GJA3: variants seen among roughly 807,000 people sequenced by gnomAD.
GJA3 encodes the protein gap junction alpha-3 protein.
For missense variants in GJA3, 571 were observed against 620.3 expected, an observed-to-expected ratio of 0.92 and a Z score of 0.84; for synonymous variants, 297 against 292.6, an observed-to-expected ratio of 1.02 and a Z score of -0.15.
At chr13:20,154,903 T>A (rs1248570804) in intron 1 of GJA3, among the ~76,000 whole-genome samples, 4 of 152,198 alleles carry the variant, frequency 2.6e-5, no homozygotes, top group African/African-American at 9.7e-5. Flanking sequence ...CAGGATGGAA[T>A]ACAGTGGCAT....
Position 20,152,566 on chromosome 13 carries a change from G to C in GJA3, c.-18+8324C>G, listed in dbSNP as rs917660062. On this transcript the variant is annotated intron_variant, in intron 1 of 1. Transcript: ENST00000241125. ...CACCTGGCTAATTTTTGTATTTTTAGTAGAGACAGGGTTTTGGCTGTTGAC... is the reference window on the plus strand; with the variant it reads ...CACCTGGCTAATTTTTGTATTTTTACTAGAGACAGGGTTTTGGCTGTTGAC... 2.6e-5 allele frequency among the ~76,000 whole-genome samples: 4 copies of C among 152,094 alleles called. No individual in the cohort carries two copies. In the South Asian group the frequency reaches 8.3e-4, roughly 32 times the overall value.
chr13:20,154,847 G>A (rs1173625718), intron 1 of GJA3, among the ~76,000 whole-genome samples: 1 of 151,968 alleles, frequency 6.6e-6, no homozygotes, highest in Non-Finnish European at 1.5e-5. Flanking sequence ...TCTTTGTTAT[G>A]ATTTAATTAC....
chr13:20,150,966 C>A (rs1958873364), intron 1 of GJA3, among the ~76,000 whole-genome samples: 1 of 152,170 alleles, frequency 6.6e-6, no homozygotes, highest in Non-Finnish European at 1.5e-5. Flanking sequence ...ATGGGTAGTG[C>A]CATCGGCTTC....
In GJA3 at chr13:20,142,207, G is replaced by A. The variant is rs886050020; in HGVS notation, c.1082C>T (p.Pro361Leu). The change falls in exon 2 of 2, where the codon CCA (proline) becomes CTA (leucine). Residue 361 changes from proline to leucine, a missense_variant. Pro to Leu is a moderately conservative substitution (Grantham distance 98, BLOSUM62 -3). Transcript: ENST00000241125. ...GCCCGCCTCAGCCTCGTGCGCGAGT[G>A]GCGGGGAGCTGCTGCCGACGGGGCT... ...APSPVGSSSP[P>L]LAHEAEAGAA... The A allele has an allele frequency of 3.3e-6, 5 of 1,513,542 alleles. No homozygotes were observed. Among genetic ancestry groups the A allele is most frequent in the Non-Finnish European group, 4.4e-6 (5 of 1,133,730 alleles). 93.8% of individuals were successfully genotyped at this position (1,513,542 alleles called of 1,614,324 possible).
Position 20,146,079 on chromosome 13 carries a change from G to A in GJA3, c.-17-2774C>T, listed in dbSNP as rs549089898. On this transcript the variant is annotated intron_variant, in intron 1 of 1. Transcript: ENST00000241125. ...GGTAATGTGCTTTCCAGAGGCTTCC[G>A]AGGAAAGGCCGCTGTGGGTAGTTCA... Among the ~76,000 whole-genome samples the A allele has an allele frequency of 1.1e-4, 16 of 152,344 alleles. No individual in the cohort carries two copies. In the East Asian group the frequency reaches 1.5e-3, roughly 15 times the overall value.
chr13:20,150,372 GGTGTGT>G lies in GJA3; in HGVS notation c.-17-7073_-17-7068del, dbSNP rs71816956. Reference sequence around the variant, plus strand: ...AGGGAGGCAGGAGACCACTGCTCCTGGTGTGTGTGTGTGTGTGTGTGTGTGTGTGAA... The same window carrying G: ...AGGGAGGCAGGAGACCACTGCTCCTGGTGTGTGTGTGTGTGTGTGTGTGAA... On this transcript the variant is annotated intron_variant, in intron 1 of 1. Transcript: ENST00000241125. Among the ~76,000 whole-genome samples, 1,391 of 148,092 alleles carry G rather than the reference GGTGTGT, an allele frequency of 9.4e-3. 73 individuals carry two copies. Among genetic ancestry groups the G allele is most frequent in the Admixed American group, 0.082 (1,223 of 14,974 alleles).
intron 1 of GJA3, among the ~76,000 whole-genome samples, chr13:20,146,365 C>A (rs1322773518): frequency 2.0e-5 from 3 of 152,240 alleles, no homozygotes; most frequent in South Asian, 2.1e-4. Flanking sequence ...CTATCGTGCA[C>A]CTGTTGAGAA....
chr13:20,160,188 C>T (rs1025019971), intron 1 of GJA3, among the ~76,000 whole-genome samples: 1 of 152,170 alleles, frequency 6.6e-6, no homozygotes, highest in African/African-American at 2.4e-5. Flanking sequence ...TTTCTCAAGT[C>T]TCCTACGGGA....
At chr13:20,153,261 T>C (rs932582242) in intron 1 of GJA3, among the ~76,000 whole-genome samples, 1 of 152,228 alleles carries the variant, frequency 6.6e-6, no homozygotes, top group African/African-American at 2.4e-5. Context: ...CTTCAACATT[T>C]AGCACTGTTC....
rs144264150 is a variant in GJA3 at position 20,152,205 on chromosome 13, G to A, written c.-18+8685C>T. Among the ~76,000 whole-genome samples, 319 of 152,202 alleles carry A rather than the reference G, an allele frequency of 2.1e-3. 2 individuals carry two copies. The highest frequency in any genetic ancestry group is 7.5e-3 in the African/African-American group (312 of 41,526). Reference sequence around the variant, plus strand: ...GGGCAGGGGAGGAGGAAACGGGGGCGACAGTAAAGCCCAGGGGTCTAACAG... The same window carrying A: ...GGGCAGGGGAGGAGGAAACGGGGGCAACAGTAAAGCCCAGGGGTCTAACAG... On this transcript the variant is annotated intron_variant, in intron 1 of 1. Transcript: ENST00000241125.
chr13:20,155,273 G>T (rs1958901159), intron 1 of GJA3, among the ~76,000 whole-genome samples: 1 of 152,054 alleles, frequency 6.6e-6, no homozygotes, highest in Non-Finnish European at 1.5e-5. Context: ...TCAGATTTTG[G>T]TATGAAAGTT....
At chr13:20,147,029 G>A (rs1242840929) in intron 1 of GJA3, among the ~76,000 whole-genome samples, 1 of 152,252 alleles carries the variant, frequency 6.6e-6, no homozygotes, top group Non-Finnish European at 1.5e-5. Context: ...AGAAAAGGCA[G>A]TTCTGTCCAG....
Position 20,148,250 on chromosome 13 carries a change from G to C in GJA3, c.-17-4945C>G, listed in dbSNP as rs1046419020. Among the ~76,000 whole-genome samples, 3 of 113,664 alleles carry C rather than the reference G, an allele frequency of 2.6e-5. No individual in the cohort carries two copies. In the South Asian group the frequency reaches 8.5e-4, roughly 32 times the overall value. The allele number at this position is 113,664 out of a possible 152,430, so 74.6% of individuals were successfully genotyped here. On this transcript the variant is annotated intron_variant, in intron 1 of 1. Coordinates refer to ENST00000241125, the MANE Select transcript of GJA3 (RefSeq NM_021954.4). ...CTGGGGGCATTTTACCAATACTATGGTTCTTTTTTTTTTTTTTTTTTTTTT... is the reference window on the plus strand; with the variant it reads ...CTGGGGGCATTTTACCAATACTATGCTTCTTTTTTTTTTTTTTTTTTTTTT...
intron 1 of GJA3, among the ~76,000 whole-genome samples, chr13:20,145,046 TG>T (rs1958834017): frequency 6.6e-6 from 1 of 152,026 alleles, no homozygotes; most frequent in South Asian, 2.1e-4. Flanking sequence ...CCAGGCATGG[TG>T]GAGGGTGCCT....
intron 1 of GJA3, among the ~76,000 whole-genome samples, chr13:20,159,797 G>C (rs1441196182): frequency 6.6e-6 from 1 of 152,176 alleles, no homozygotes; most frequent in African/African-American, 2.4e-5. Context: ...CCAAACTGCT[G>C]AGCAGGTGGA....
intron 1 of GJA3, among the ~76,000 whole-genome samples, chr13:20,143,882 A>G (rs141142989): frequency 1.8e-4 from 28 of 152,360 alleles, no homozygotes; most frequent in African/African-American, 6.3e-4. Context: ...TAGCTTTAAG[A>G]GTAAATATAT....
chr13:20,159,981 A>G (rs959379279), intron 1 of GJA3, among the ~76,000 whole-genome samples: 1 of 152,218 alleles, frequency 6.6e-6, no homozygotes, highest in Non-Finnish European at 1.5e-5. Context: ...GATGAGACCC[A>G]TAATTCGCTT....
chr13:20,148,926 G>A (rs1958860141), intron 1 of GJA3, among the ~76,000 whole-genome samples: 1 of 152,246 alleles, frequency 6.6e-6, no homozygotes, highest in African/African-American at 2.4e-5. Flanking sequence ...GGGTGTTTAT[G>A]ATCTCCCATG....
intron 1 of GJA3, among the ~76,000 whole-genome samples, chr13:20,155,560 T>C (rs569879303): frequency 6.6e-6 from 1 of 152,080 alleles, no homozygotes; most frequent in Non-Finnish European, 1.5e-5. Context: ...CGCTATGGTG[T>C]TTGTAGTCAA....
Sources: gnomAD v4.1 joint callset for allele counts (sites outside exome capture counted in the v4.1 genomes callset) on GRCh38, gnomAD v4.1.1 for gene constraint, MANE v1.5 for transcripts, NCBI Gene and HGNC (gene_info 2026-07-23, HGNC 2026-07-21) for gene names.